The following RMC1 variants were observed in gnomAD, a reference collection of about 807,000 sequenced individuals.
RMC1 encodes regulator of MON1-CCZ1 complex.
A neutral mutation model predicts 95.5 loss-of-function variants in RMC1; 44 were observed. The ratio of observed to expected loss-of-function variants is 0.46; its 90% CI spans 0.36 to 0.59. The LOEUF (loss-of-function observed/expected upper bound fraction) is 0.59, where lower values mean the gene tolerates loss of function less well. RMC1 is among the 20% of genes least tolerant of loss of function. The pLI is 0.00. For synonymous variants in RMC1, 320 were observed against 303.6 expected (o/e 1.05, Z -0.56); for missense variants, 705 against 819.6 (o/e 0.86, Z 1.71).
chr18:23,529,606 T>A, intron 15 of RMC1, 29 bp from the exon 16 acceptor site: 1 of 1,593,276 alleles, frequency 6.3e-7, no homozygotes, highest in Non-Finnish European at 8.6e-7. Flanking sequence ...CTCGTTGGTA[T>A]TTGTAAGACC....
At chr18:23,527,413 A>G (rs1366313657) in intron 13 of RMC1, among the ~76,000 whole-genome samples, 1 of 151,474 alleles carries the variant, frequency 6.6e-6, no homozygotes, top group Non-Finnish European at 1.5e-5. Flanking sequence ...AAAAATAATA[A>G]TAATAATCCC....
chr18:23,503,699 C>T lies in RMC1; in HGVS notation c.81C>T (p.Phe27=). 2 of 1,592,570 alleles carry T rather than the reference C, an allele frequency of 1.3e-6. No individual in the cohort carries two copies. The highest frequency in any genetic ancestry group is 1.1e-5 in the South Asian group (1 of 89,406). Residue 27 remains phenylalanine (F), a synonymous_variant, in exon 1 of 20, where the codon TTC becomes TTT. Transcript: ENST00000269221. ...FEKANPVNCV[F]FDEANKQVFA... is the part of the protein sequence containing the mutation. The stretch of plus-strand genomic sequence containing the variant: ...AGGCGAACCCTGTCAACTGCGTCTT[C>T]TTCGATGAGGCCAACAAGCAGGTCC...
intron 5 of RMC1, 70 bp from the exon 6 acceptor site, chr18:23,515,786 G>A: frequency 6.3e-7 from 1 of 1,586,522 alleles, no homozygotes; most frequent in Non-Finnish European, 8.6e-7. Flanking sequence ...GCCCACCTTA[G>A]CCTCCCAAAG....
chr18:23,520,123 C>A, intron 9 of RMC1, 79 bp from the exon 10 acceptor site: 2 of 1,079,622 alleles, frequency 1.9e-6, no homozygotes. Flanking sequence ...CTGATTTAAA[C>A]AGCAAGATGG....
chr18:23,526,851 T>C lies in RMC1; in HGVS notation c.1189+86T>C, dbSNP rs796558818. ...TTTTATCGGGATGTGGGCTACATTG[T>C]TGTGTCTTGTCTGTGACCCACAGCC... On this transcript the variant is annotated intron_variant, in intron 13 of 19. Coordinates refer to ENST00000269221, the MANE Select transcript of RMC1 (RefSeq NM_013326.5). 170 of 1,522,564 alleles carry C rather than the reference T, an allele frequency of 1.1e-4. 2 individuals carry two copies. In the South Asian group the frequency reaches 2.1e-3, roughly 19 times the overall value. 94.3% of individuals were successfully genotyped at this position (1,522,564 alleles called of 1,614,324 possible).
intron 11 of RMC1, 90 bp from the exon 12 acceptor site, chr18:23,524,339 T>C (rs1008392023): frequency 6.6e-7 from 1 of 1,519,376 alleles, no homozygotes; most frequent in Admixed American, 1.7e-5. Context: ...GTGGACTCAG[T>C]ACATGGTGGG....
In RMC1 at chr18:23,514,281, C is replaced by T. The variant is rs533006213; in HGVS notation, c.409-1575C>T. Among the ~76,000 whole-genome samples the T allele has an allele frequency of 6.6e-5, 10 of 152,288 alleles. No individual in the cohort carries two copies. The East Asian group carries it at 1.3e-3, about 21-fold the overall frequency. ...CTGTAATCCTAGCACTTTGGGAGGCCGAGGTGGGCGATCATCTGAGGTCAG... is the reference window on the plus strand; with the variant it reads ...CTGTAATCCTAGCACTTTGGGAGGCTGAGGTGGGCGATCATCTGAGGTCAG... On this transcript the variant is annotated intron_variant, in intron 5 of 19. Coordinates refer to ENST00000269221, the MANE Select transcript of RMC1 (RefSeq NM_013326.5).
intron 14 of RMC1, 96 bp downstream of exon 14, chr18:23,527,997 A>T (rs2058357733): frequency 9.7e-7 from 1 of 1,034,688 alleles, no homozygotes; most frequent in Admixed American, 2.9e-5. Flanking sequence ...CCTATATATT[A>T]GAATAAGGTC....
intron 10 of RMC1, chr18:23,522,707 C>T (rs1204970125): frequency 6.6e-6 from 1 of 152,286 alleles, no homozygotes; most frequent in Admixed American, 6.5e-5. Flanking sequence ...CAGTAACAGC[C>T]CGTGCAGAGA....
chr18:23,504,820 T>C (rs943417928), intron 2 of RMC1: 37 of 185,682 alleles, frequency 2.0e-4, no homozygotes, highest in African/African-American at 7.7e-4. Flanking sequence ...TTGTTTCTCA[T>C]GTAATAATAC....
intron 5 of RMC1, among the ~76,000 whole-genome samples, chr18:23,512,471 AGTACAG>A (rs2057887427): frequency 6.6e-6 from 1 of 152,192 alleles, no homozygotes; most frequent in African/African-American, 2.4e-5. Flanking sequence ...CCCAGGCTGG[AGTACAG>A]TGGCACAATC....
Position 23,503,512 on chromosome 18 carries a change from GAGCCGC to G in RMC1, c.-94_-89del. ...GGAAGCGGCGTCCGCGCCGGGCCCA[GAGCCGC>G]AGCCGCAGCCGCCGCTACAGTCCGG... On this transcript the variant is annotated 5_prime_UTR_variant, in exon 1 of 20. Transcript: ENST00000269221. The G allele has an allele frequency of 4.4e-6, 3 of 687,286 alleles. No homozygotes were observed. Among genetic ancestry groups the G allele is most frequent in the Non-Finnish European group, 4.1e-6 (2 of 484,128 alleles). 42.6% of individuals were successfully genotyped at this position (687,286 alleles called of 1,614,324 possible). A position where few individuals can be genotyped will look rare whatever the true frequency, so the allele number is the denominator to read the frequency against.
At position 23,529,225 on chromosome 18, in the gene RMC1, C is replaced by T. The variant is rs780377353; in HGVS notation, c.1343C>T (p.Pro448Leu). The T allele has an allele frequency of 1.8e-5, 29 of 1,613,878 alleles. No homozygotes were observed. Among genetic ancestry groups the T allele is most frequent in the African/African-American group, 2.7e-5 (2 of 74,914 alleles). Residue 448 changes from proline to leucine, a missense_variant, in exon 15 of 20, where the codon CCG becomes CTG. By Grantham distance (98) the Pro-to-Leu change is moderately conservative. Coordinates refer to ENST00000269221, the MANE Select transcript of RMC1 (RefSeq NM_013326.5). Reference sequence around the variant, plus strand: ...CGAAGCAGCCCGCTCCTCAAGAGGCCGGTGCGGACCCAGGCGGTGCTGGAC... The same window carrying T: ...CGAAGCAGCCCGCTCCTCAAGAGGCTGGTGCGGACCCAGGCGGTGCTGGAC... Reference protein sequence around the residue: ...QSRSSPLLKRPVRTQAVLDQS... With the variant: ...QSRSSPLLKRLVRTQAVLDQS...
intron 5 of RMC1, among the ~76,000 whole-genome samples, chr18:23,514,738 A>G (rs766715627): frequency 4.6e-5 from 7 of 152,176 alleles, no homozygotes; most frequent in Non-Finnish European, 7.4e-5. Flanking sequence ...GCAGTGGGAA[A>G]GTATACCTTA....
chr18:23,512,416 ATTT>A (rs2057886555), intron 5 of RMC1, among the ~76,000 whole-genome samples: 1 of 151,806 alleles, frequency 6.6e-6, no homozygotes, highest in Non-Finnish European at 1.5e-5. Context: ...TCCTCTTAAA[ATTT>A]TTTTATTTTG....
chr18:23,516,724 C>CT (rs1567920926), intron 7 of RMC1, among the ~76,000 whole-genome samples: 1 of 140,432 alleles, frequency 7.1e-6, no homozygotes. Flanking sequence ...AGAATTTCTT[C>CT]TTCTTTTTTT....
At chr18:23,510,092 G>A (rs1347874919) in intron 5 of RMC1, among the ~76,000 whole-genome samples, 1 of 151,464 alleles carries the variant, frequency 6.6e-6, no homozygotes, top group African/African-American at 2.4e-5. Context: ...GAAGGCCAAG[G>A]TGGGTGGATG....
chr18:23,519,565 G>A (rs911724699), intron 9 of RMC1, among the ~76,000 whole-genome samples: 11 of 152,016 alleles, frequency 7.2e-5, no homozygotes, highest in African/African-American at 2.7e-4. Flanking sequence ...ACTAGAAAGT[G>A]CATTTTTATG....
chr18:23,524,418 A>G lies in RMC1; in HGVS notation c.1007-11A>G, dbSNP rs1239586255. Reference sequence around the variant, plus strand: ...ATCTTTTCCTGGTTTAGAATTTCCTATAACATGTGGATTCTTCATCTTGGA... The same window carrying G: ...ATCTTTTCCTGGTTTAGAATTTCCTGTAACATGTGGATTCTTCATCTTGGA... On this transcript the variant is annotated splice_polypyrimidine_tract_variant and intron_variant, in intron 11 of 19. Coordinates refer to ENST00000269221, the MANE Select transcript of RMC1 (RefSeq NM_013326.5). 1.1e-5 allele frequency: 17 copies of G among 1,613,776 alleles called. No homozygotes were observed. Among genetic ancestry groups the G allele is most frequent in the East Asian group, 2.2e-5 (1 of 44,882 alleles).
Sources: gnomAD v4.1 joint callset for allele counts (sites outside exome capture counted in the v4.1 genomes callset) on GRCh38, gnomAD v4.1.1 for gene constraint, MANE v1.5 for transcripts, NCBI Gene and HGNC (gene_info 2026-07-23, HGNC 2026-07-21) for gene names.